The following MMP26 variants were observed in gnomAD, a reference collection of about 807,000 sequenced individuals.
MMP26 encodes matrix metalloproteinase-26.
Under a neutral mutation model 31.0 loss-of-function variants are expected in MMP26, and 33 were observed. That is an observed-to-expected ratio of 1.06 (90% CI 0.81 to 1.42). The LOEUF is 1.42. Among genes scored for constraint, MMP26 ranks in the 40% most tolerant of loss-of-function variants. The pLI, the probability that MMP26 is intolerant of heterozygous loss-of-function variation, is 0.00. For synonymous variants in MMP26, 122 were observed against 114.9 expected (o/e 1.06, Z -0.40); for missense variants, 347 against 316.1 (o/e 1.10, Z -0.74).
chr11:4,991,354 G>A lies in MMP26; in HGVS notation c.470-17G>A. On this transcript the variant is annotated splice_polypyrimidine_tract_variant and intron_variant, in intron 5 of 7. Coordinates refer to ENST00000380390, the MANE Select transcript of MMP26 (RefSeq NM_021801.5). ...TACCTCCACCCTCATTGTGATCATA[G>A]CTTCTGTCGTCCACAGCCCATGAAG... The A allele has an allele frequency of 6.2e-7, 1 of 1,608,736 alleles. No homozygotes were observed. The highest frequency in any genetic ancestry group is 8.5e-7 in the Non-Finnish European group (1 of 1,176,682).
At chr11:4,885,901 T>A (rs778017022) in intron 2 of MMP26, among the ~76,000 whole-genome samples, 4 of 152,136 alleles carry the variant, frequency 2.6e-5, no homozygotes, top group Non-Finnish European at 5.9e-5. Context: ...CTTAGGTGTA[T>A]GATTAAAATT....
intron 2 of MMP26, among the ~76,000 whole-genome samples, chr11:4,825,613 T>C (rs554819540): frequency 6.6e-6 from 1 of 152,278 alleles, no homozygotes; most frequent in African/African-American, 2.4e-5. Context: ...GAAGACTAGA[T>C]TCAGATCCAT....
At chr11:4,918,165 C>A (rs1474698033) in intron 2 of MMP26, among the ~76,000 whole-genome samples, 1 of 151,856 alleles carries the variant, frequency 6.6e-6, no homozygotes, top group Non-Finnish European at 1.5e-5. Flanking sequence ...TTATAATATC[C>A]CTAGAATCAC....
Position 4,989,777 on chromosome 11 carries a change from C to T in MMP26, c.229C>T (p.Leu77=). 6.2e-7 allele frequency: 1 copy of T among 1,613,938 alleles called. No homozygotes were observed. Among genetic ancestry groups the T allele is most frequent in the South Asian group, 1.1e-5 (1 of 91,082 alleles). Residue 77 remains leucine, a synonymous_variant, in exon 4 of 8, where the codon CTA becomes TTA. Transcript: ENST00000380390. ...DLLDMQMHAL[L]HQPHCGVPDG... ...ACTTGACATGCAGATGCATGCTCTG[C>T]TACACCAGCCCCACTGTGGGGTGCC... is the stretch of plus-strand genomic sequence containing the variant.
intron 2 of MMP26, among the ~76,000 whole-genome samples, chr11:4,976,691 G>A (rs1180835261): frequency 6.6e-6 from 1 of 151,960 alleles, no homozygotes; most frequent in African/African-American, 2.4e-5. Flanking sequence ...GGATTAAAAA[G>A]CCCACAGGTC....
intron 2 of MMP26, among the ~76,000 whole-genome samples, chr11:4,823,868 C>T (rs561160934): frequency 3.0e-4 from 46 of 152,200 alleles, no homozygotes; most frequent in Non-Finnish European, 5.1e-4. Context: ...ATGAGATAAA[C>T]GTTGTTCATA....
chr11:4,873,797 A>G (rs1850342011), intron 2 of MMP26, among the ~76,000 whole-genome samples: 2 of 152,094 alleles, frequency 1.3e-5, no homozygotes, highest in South Asian at 2.1e-4. Context: ...TATGGTAGGT[A>G]CTATTATTTT....
At chr11:4,706,988 A>G (rs967370983) in intron 1 of MMP26, among the ~76,000 whole-genome samples, 1 of 152,144 alleles carries the variant, frequency 6.6e-6, no homozygotes, top group African/African-American at 2.4e-5. Context: ...GTTGATGGAC[A>G]TTTAGGTTGT....
chr11:4,845,124 AG>A (rs1172825549), intron 2 of MMP26, among the ~76,000 whole-genome samples: 1 of 152,142 alleles, frequency 6.6e-6, no homozygotes, highest in Non-Finnish European at 1.5e-5. Context: ...AAAATTAAAA[AG>A]AAAAAGAAAT....
intron 2 of MMP26, chr11:4,924,244 G>A: frequency 2.5e-6 from 4 of 1,614,194 alleles, no homozygotes; most frequent in Non-Finnish European, 2.5e-6. Context: ...TGAAGCAGAA[G>A]GGAATAGAGA....
chr11:4,909,149 A>C (rs1044033925), intron 2 of MMP26: 4 of 152,168 alleles, frequency 2.6e-5, no homozygotes, highest in Non-Finnish European at 5.9e-5. Flanking sequence ...CCTTAAAAAA[A>C]ATCAGCCCCT....
At chr11:4,973,481 G>A (rs991504372) in intron 2 of MMP26, 1 of 152,562 alleles carries the variant, frequency 6.6e-6, no homozygotes, top group Non-Finnish European at 1.5e-5. Context: ...GAGGATGGAA[G>A]TGTATCTCAG....
At chr11:4,821,964 C>T in intron 2 of MMP26, 1 of 1,614,014 alleles carries the variant, frequency 6.2e-7, no homozygotes, top group Non-Finnish European at 8.5e-7. Flanking sequence ...ATTCTTACTG[C>T]TACCATGTTG....
intron 2 of MMP26, among the ~76,000 whole-genome samples, chr11:4,786,007 T>A (rs1299683759): frequency 2.0e-5 from 3 of 152,186 alleles, no homozygotes; most frequent in Admixed American, 6.5e-5. Flanking sequence ...TTATTTATTT[T>A]TTCTCAAAGT....
At chr11:4,760,749 C>T (rs1848560813) in intron 1 of MMP26, among the ~76,000 whole-genome samples, 1 of 152,100 alleles carries the variant, frequency 6.6e-6, no homozygotes, top group Non-Finnish European at 1.5e-5. Flanking sequence ...CACTCTATCT[C>T]TCTGGTGTTG....
At chr11:4,839,862 A>AGCAGGTTCTT (rs754382534) in intron 2 of MMP26, among the ~76,000 whole-genome samples, 5 of 151,654 alleles carry the variant, frequency 3.3e-5, no homozygotes, top group Admixed American at 6.6e-5. Flanking sequence ...AGGGGTGTAG[A>AGCAGGTTCTT]GCAGGTTCTT....
At chr11:4,762,847 A>C (rs1388580763) in intron 1 of MMP26, among the ~76,000 whole-genome samples, 3 of 152,150 alleles carry the variant, frequency 2.0e-5, no homozygotes, top group Non-Finnish European at 2.9e-5. Flanking sequence ...AAACCTGAAA[A>C]CTGGTCTACT....
chr11:4,783,086 G>C (rs1481363563), intron 2 of MMP26, among the ~76,000 whole-genome samples: 1 of 152,222 alleles, frequency 6.6e-6, no homozygotes, highest in East Asian at 1.9e-4. Context: ...GCACCACCTA[G>C]TGGAGCTATG....
chr11:4,779,344 G>A (rs1309278834), intron 2 of MMP26, among the ~76,000 whole-genome samples: 2 of 151,858 alleles, frequency 1.3e-5, no homozygotes, highest in Admixed American at 6.6e-5. Context: ...TATTAATGTG[G>A]TAAGATACGT....
Sources: gnomAD v4.1 joint callset for allele counts (sites outside exome capture counted in the v4.1 genomes callset) on GRCh38, gnomAD v4.1.1 for gene constraint, MANE v1.5 for transcripts, NCBI Gene and HGNC (gene_info 2026-07-23, HGNC 2026-07-21) for gene names.